HS6ST2: variants seen among roughly 807,000 people sequenced by gnomAD.
The protein encoded by HS6ST2 is heparan sulfate 6-O-sulfotransferase 2.
HS6ST2 carries 17 observed loss-of-function variants against 33.0 expected under a neutral mutation model. That is an observed-to-expected ratio of 0.52 (90% CI 0.35 to 0.77). HS6ST2 has a LOEUF of 0.77. Among genes scored for constraint, HS6ST2 ranks in the 30% least tolerant of loss-of-function variants. The pLI is 0.01. For synonymous variants in HS6ST2, 248 were observed against 237.1 expected, an observed-to-expected ratio of 1.05 and a Z score of -0.42; for missense variants, 519 against 551.7, an observed-to-expected ratio of 0.94 and a Z score of 0.59.
At chrX:132,864,037 A>G (rs1046149691) in intron 2 of HS6ST2, among the ~76,000 whole-genome samples, 1 of 111,319 alleles carries the variant, frequency 9.0e-6, no homozygotes, top group African/African-American at 3.3e-5. Flanking sequence ...ACTAACAAAC[A>G]GAAAAGAATA....
intron 2 of HS6ST2, among the ~76,000 whole-genome samples, chrX:132,827,507 A>C (rs1303329881): frequency 9.0e-6 from 1 of 110,955 alleles, no homozygotes; most frequent in Non-Finnish European, 1.9e-5. Context: ...GGAAAAGGGG[A>C]AAAAAGAAAG....
chrX:132,670,295 C>G (rs1397822821), intron 3 of HS6ST2, among the ~76,000 whole-genome samples: 8 of 111,779 alleles, frequency 7.2e-5, no homozygotes, highest in African/African-American at 2.6e-4. Flanking sequence ...TAGATGTCTG[C>G]AAGTAGCTGT....
chrX:132,925,538 T>C (rs1394678858), intron 2 of HS6ST2, among the ~76,000 whole-genome samples: 1 of 111,417 alleles, frequency 9.0e-6, no homozygotes, highest in Non-Finnish European at 1.9e-5. Context: ...CTGAATTGAA[T>C]TGTAAGACAC....
intron 3 of HS6ST2, among the ~76,000 whole-genome samples, chrX:132,680,060 G>A (rs773112461): frequency 1.9e-5 from 2 of 105,413 alleles, no homozygotes; most frequent in African/African-American, 3.5e-5. Flanking sequence ...CATCCTCCTC[G>A]GCTTACGAGA....
At chrX:132,785,769 G>A (rs994751584) in intron 2 of HS6ST2, among the ~76,000 whole-genome samples, 1 of 111,875 alleles carries the variant, frequency 8.9e-6, no homozygotes, top group African/African-American at 3.3e-5. Context: ...TTCCAAAAAC[G>A]TGGGGACAGG....
At chrX:132,706,287 T>C (rs895766666) in intron 3 of HS6ST2, among the ~76,000 whole-genome samples, 10 of 112,137 alleles carry the variant, frequency 8.9e-5, no homozygotes, top group African/African-American at 1.9e-4. Flanking sequence ...GCAGAACTGA[T>C]TGGCATGTCA....
At chrX:132,946,612 T>C (rs2066958964) in intron 2 of HS6ST2, among the ~76,000 whole-genome samples, 1 of 110,862 alleles carries the variant, frequency 9.0e-6, no homozygotes, top group Non-Finnish European at 1.9e-5. Flanking sequence ...CACTGGGGCC[T>C]GTCATGGGGT....
chrX:132,828,717 C>T (rs1235400736), intron 2 of HS6ST2, among the ~76,000 whole-genome samples: 70 of 79,662 alleles, frequency 8.8e-4, no homozygotes, highest in African/African-American at 1.0e-3. Context: ...CACACACACA[C>T]ACACACACAC....
At chrX:132,766,607 A>C (rs913029894) in intron 2 of HS6ST2, among the ~76,000 whole-genome samples, 4 of 111,961 alleles carry the variant, frequency 3.6e-5, no homozygotes, top group Non-Finnish European at 5.6e-5. Context: ...AGACTGGGTA[A>C]TTTATGAAGA....
intron 2 of HS6ST2, among the ~76,000 whole-genome samples, chrX:132,826,589 TTATATATATGGCTCACATTTTATA>T (rs1193006124): frequency 9.1e-6 from 1 of 110,232 alleles, no homozygotes; most frequent in Non-Finnish European, 1.9e-5. Context: ...AACTTTAAAA[TTATATATATGGCTCACATTTTATA>T]TATATATATG....
chrX:132,795,393 T>G (rs934801931), intron 2 of HS6ST2, among the ~76,000 whole-genome samples: 5 of 111,669 alleles, frequency 4.5e-5, no homozygotes, highest in African/African-American at 1.3e-4. Context: ...TGATAGGGGC[T>G]GAAGGAATGT....
At chrX:132,846,484 C>G (rs1475658922) in intron 2 of HS6ST2, among the ~76,000 whole-genome samples, 1 of 111,988 alleles carries the variant, frequency 8.9e-6, no homozygotes, top group African/African-American at 3.2e-5. Context: ...GTCAGCAACT[C>G]TAGCATTGTT....
At chrX:132,658,540 G>A (rs2063747732) in intron 4 of HS6ST2, among the ~76,000 whole-genome samples, 1 of 110,563 alleles carries the variant, frequency 9.0e-6, no homozygotes, top group Admixed American at 9.6e-5. Flanking sequence ...AGCACGTTGT[G>A]CTTTGGCCAA....
At position 132,806,656 on chromosome X, in the gene HS6ST2, A is replaced by G. The variant is rs1602698396; in HGVS notation, c.948-98162T>C. On this transcript the variant is annotated intron_variant, in intron 2 of 4. Transcript: ENST00000370833. ...TGAGTGAGCACAGTTGTGTTCCAAT[A>G]AAACTTTATTTATGGACACTGAAAT... Among the ~76,000 whole-genome samples, 7 of 110,230 alleles carry G rather than the reference A, an allele frequency of 6.4e-5. 2 individuals are homozygous for G. In the Admixed American group the frequency reaches 6.8e-4, roughly 11 times the overall value.
chrX:132,952,020 GA>G (rs1359699903), intron 2 of HS6ST2, among the ~76,000 whole-genome samples: 1 of 111,803 alleles, frequency 8.9e-6, no homozygotes, highest in South Asian at 3.7e-4. Flanking sequence ...ATGAATGACA[GA>G]AAAAAACGGA....
rs187080449 is a variant in HS6ST2 at position 132,860,231 on chromosome X, T to A, written c.947+96577A>T. Reference sequence around the variant, plus strand: ...TAATGGGCATATCTGAGCTTATGAGTGGCATATTGTCAGTCTGTAGTTGAT... The same window carrying A: ...TAATGGGCATATCTGAGCTTATGAGAGGCATATTGTCAGTCTGTAGTTGAT... On this transcript the variant is annotated intron_variant, in intron 2 of 4. Transcript: ENST00000370833. Among the ~76,000 whole-genome samples the A allele has an allele frequency of 3.6e-5, 4 of 111,994 alleles. No homozygotes were observed. In the East Asian group the frequency reaches 1.1e-3, roughly 32 times the overall value.
At chrX:132,836,324 GT>G (rs2148393557) in intron 2 of HS6ST2, among the ~76,000 whole-genome samples, 1 of 112,625 alleles carries the variant, frequency 8.9e-6, no homozygotes, top group African/African-American at 3.2e-5. Context: ...AGTTAAAATA[GT>G]TAATATGAGA....
At chrX:132,730,455 G>A (rs2064445861) in intron 2 of HS6ST2, among the ~76,000 whole-genome samples, 1 of 112,419 alleles carries the variant, frequency 8.9e-6, no homozygotes, top group Non-Finnish European at 1.9e-5. Context: ...CCTTCTCAGT[G>A]CAAGGAATTT....
intron 2 of HS6ST2, among the ~76,000 whole-genome samples, chrX:132,843,596 G>T (rs1318059548): frequency 1.8e-5 from 2 of 111,592 alleles, no homozygotes; most frequent in Non-Finnish European, 3.8e-5. Flanking sequence ...AGTTCATTAT[G>T]AGTCAGCAGT....
Sources: gnomAD v4.1 joint callset for allele counts (sites outside exome capture counted in the v4.1 genomes callset) on GRCh38, gnomAD v4.1.1 for gene constraint, MANE v1.5 for transcripts, NCBI Gene and HGNC (gene_info 2026-07-23, HGNC 2026-07-21) for gene names.